The following SPATA18 variants were observed in gnomAD, a reference collection of about 807,000 sequenced individuals.
The protein encoded by SPATA18 is mitochondria-eating protein.
A neutral mutation model predicts 68.1 loss-of-function variants in SPATA18; 54 were observed. The observed-to-expected ratio is 0.79, with a 90% CI of 0.64 to 0.99. SPATA18 has a LOEUF of 0.99. Among genes scored for constraint, SPATA18 ranks in the 50% least tolerant of loss-of-function variants. SPATA18 has a pLI of 0.00. For missense variants in SPATA18, 724 were observed against 681.1 expected (o/e 1.06, Z -0.70); for synonymous variants, 242 against 244.8 (o/e 0.99, Z 0.11).
At position 52,060,813 on chromosome 4, in the gene SPATA18, G is replaced by T. The variant is rs1467665484; in HGVS notation, c.225G>T (p.Lys75Asn). The stretch of plus-strand genomic sequence containing the variant: ...GTAATGATGGTGTGGAAACAATCAA[G>T]TCACGCCTTTTGCCTTGGCTGGAGG... ...GGRNDGVETI[K>N]SRLLPWLEAS... Residue 75 changes from lysine (K) to asparagine (N), a missense_variant, in exon 3 of 13, where the codon AAG (lysine) becomes AAT (asparagine). Coordinates refer to ENST00000295213, the MANE Select transcript of SPATA18 (RefSeq NM_145263.4). The T allele has an allele frequency of 6.2e-7, 1 of 1,614,062 alleles. No individual in the cohort carries two copies. The highest frequency in any genetic ancestry group is 2.2e-5 in the East Asian group (1 of 44,876).
intron 7 of SPATA18, 43 bp from the exon 8 acceptor site, chr4:52,078,692 T>C (rs759612939): frequency 6.8e-7 from 1 of 1,477,052 alleles, no homozygotes; most frequent in Non-Finnish European, 9.1e-7. Flanking sequence ...TCTCTTCACC[T>C]ACCTCTTTTC....
chr4:52,078,787 G>A lies in SPATA18; in HGVS notation c.1073G>A (p.Arg358Lys), dbSNP rs1393926841. 3 of 1,606,766 alleles carry A rather than the reference G, an allele frequency of 1.9e-6. No individual in the cohort carries two copies. Among genetic ancestry groups the A allele is most frequent in the Non-Finnish European group, 2.6e-6 (3 of 1,174,118 alleles). Residue 358 changes from arginine to lysine, a missense_variant, in exon 8 of 13, where the codon AGA becomes AAA. By Grantham distance (26) the Arg-to-Lys change is conservative. Transcript: ENST00000295213. Reference protein sequence around the residue: ...MAFRHFKIHVRKSLTPSYVGS... With the variant: ...MAFRHFKIHVKKSLTPSYVGS... The stretch of plus-strand genomic sequence containing the variant: ...TTCAGACACTTCAAGATCCATGTGA[G>A]AAAATCGTTGACACCATCTTATGTG...
At chr4:52,054,020 A>G (rs1738122737) in intron 1 of SPATA18, among the ~76,000 whole-genome samples, 1 of 152,180 alleles carries the variant, frequency 6.6e-6, no homozygotes, top group Non-Finnish European at 1.5e-5. Flanking sequence ...AGCCCACTCC[A>G]GCAGTACCAG....
At chr4:52,074,045 A>G (rs965913820) in intron 6 of SPATA18, among the ~76,000 whole-genome samples, 1 of 152,180 alleles carries the variant, frequency 6.6e-6, no homozygotes, top group African/African-American at 2.4e-5. Flanking sequence ...AAGTTCCCGT[A>G]GTGATTTCAT....
chr4:52,054,312 A>G (rs191102612), intron 1 of SPATA18, among the ~76,000 whole-genome samples: 17 of 152,172 alleles, frequency 1.1e-4, no homozygotes, highest in Admixed American at 1.1e-3. Context: ...AAAACTTTTC[A>G]CCTGTTGATA....
chr4:52,076,715 G>A (rs1203789608), intron 6 of SPATA18, 64 bp from the exon 7 acceptor site: 9 of 1,589,062 alleles, frequency 5.7e-6, no homozygotes, highest in Non-Finnish European at 7.7e-6. Context: ...GCCACCAGAT[G>A]ATCTTTGCTT....
chr4:52,068,460 C>T (rs559688153), intron 4 of SPATA18, among the ~76,000 whole-genome samples: 43 of 152,144 alleles, frequency 2.8e-4, no homozygotes, highest in Admixed American at 2.0e-3. Flanking sequence ...AATGGAGTGC[C>T]GAGAAGGGGA....
chr4:52,059,979 C>T (rs1159847141), intron 1 of SPATA18, among the ~76,000 whole-genome samples: 1 of 152,194 alleles, frequency 6.6e-6, no homozygotes, highest in African/African-American at 2.4e-5. Context: ...CAGTGGCTTA[C>T]ACACAAACCA....
chr4:52,059,410 CAGTT>C (rs775085963), intron 1 of SPATA18, among the ~76,000 whole-genome samples: 3 of 152,156 alleles, frequency 2.0e-5, no homozygotes, highest in African/African-American at 4.8e-5. Context: ...ATGTTGGAGT[CAGTT>C]AGAGATTTGG....
intron 7 of SPATA18, among the ~76,000 whole-genome samples, chr4:52,077,244 TTCCCTCCA>T (rs58274166): frequency 0.12 from 17,801 of 147,236 alleles, 1,316 homozygotes; most frequent in South Asian, 0.26. Flanking sequence ...TCCTTCCTTG[TTCCCTCCA>T]TCCCTCCCTC....
At chr4:52,068,083 T>A (rs1302818137) in intron 4 of SPATA18, among the ~76,000 whole-genome samples, 1 of 152,238 alleles carries the variant, frequency 6.6e-6, no homozygotes, top group African/African-American at 2.4e-5. Flanking sequence ...CGCTTGTATG[T>A]GTTAGGAGAA....
chr4:52,094,498 A>T (rs1398072429), intron 11 of SPATA18, 29 bp from the exon 12 acceptor site: 1 of 1,606,448 alleles, frequency 6.2e-7, no homozygotes, highest in East Asian at 2.2e-5. Flanking sequence ...TCTACTATGT[A>T]ATTCACATTA....
chr4:52,094,765 A>G, intron 12 of SPATA18, 115 bp from the exon 13 acceptor site: 1 of 1,458,950 alleles, frequency 6.9e-7, no homozygotes. Flanking sequence ...AGGAGCTTCC[A>G]ACCAAGAGGC....
intron 4 of SPATA18, among the ~76,000 whole-genome samples, chr4:52,068,254 C>A (rs2109443841): frequency 6.6e-6 from 1 of 152,320 alleles, no homozygotes; most frequent in Admixed American, 6.5e-5. Context: ...TCCTTTCAAT[C>A]TCCAATAGCC....
At chr4:52,073,129 T>C (rs1323509111) in intron 6 of SPATA18, among the ~76,000 whole-genome samples, 1 of 152,200 alleles carries the variant, frequency 6.6e-6, no homozygotes, top group African/African-American at 2.4e-5. Context: ...AATCATTCTG[T>C]CAGTGTTGTG....
chr4:52,065,145 G>A (rs141435332), intron 4 of SPATA18, among the ~76,000 whole-genome samples: 18 of 150,804 alleles, frequency 1.2e-4, no homozygotes, highest in Middle Eastern at 3.4e-3. Flanking sequence ...TTTTTTTTGC[G>A]TTCCTTGTAG....
chr4:52,081,384 C>T (rs1210877858), intron 9 of SPATA18, among the ~76,000 whole-genome samples: 1 of 152,188 alleles, frequency 6.6e-6, no homozygotes. Context: ...TTCACCCTGG[C>T]AGCCTTTTGT....
chr4:52,076,897 C>G lies in SPATA18; in HGVS notation c.877C>G (p.Leu293Val). ...GAGACCGTCCCCAAACCGCTCCAAG[C>G]TGTCCAATGTGGCGCGCAAGGCTGC... ...VRRPSPNRSK[L>V]SNVARKAALL... Residue 293 changes from leucine to valine, a missense_variant, in exon 7 of 13, where the codon CTG becomes GTG. Coordinates refer to ENST00000295213, the MANE Select transcript of SPATA18 (RefSeq NM_145263.4). 6.2e-7 allele frequency: 1 copy of G among 1,614,236 alleles called. No individual in the cohort carries two copies. Among genetic ancestry groups the G allele is most frequent in the East Asian group, 2.2e-5 (1 of 44,874 alleles).
intron 4 of SPATA18, among the ~76,000 whole-genome samples, chr4:52,066,737 G>A (rs1739349595): frequency 2.0e-5 from 3 of 152,120 alleles, no homozygotes; most frequent in Admixed American, 2.0e-4. Flanking sequence ...TCCCACTTAT[G>A]AGTGAGAACA....
Sources: gnomAD v4.1 joint callset for allele counts (sites outside exome capture counted in the v4.1 genomes callset) on GRCh38, gnomAD v4.1.1 for gene constraint, MANE v1.5 for transcripts, NCBI Gene and HGNC (gene_info 2026-07-23, HGNC 2026-07-21) for gene names.